GTPBP1: variants seen among roughly 807,000 people sequenced by gnomAD.
GTPBP1 encodes GTP binding protein 1.
Under a neutral mutation model 62.0 loss-of-function variants are expected in GTPBP1, and 23 were observed. That is an observed-to-expected ratio of 0.37 (90% CI 0.27 to 0.53). The LOEUF (loss-of-function observed/expected upper bound fraction) is 0.53. GTPBP1 is among the 20% of genes least tolerant of loss of function. GTPBP1 has a pLI of 0.89. For missense variants in GTPBP1, 640 were observed against 917.3 expected (o/e 0.70, Z 3.90); for synonymous variants, 344 against 364.4 (o/e 0.94, Z 0.64).
intron 2 of GTPBP1, among the ~76,000 whole-genome samples, chr22:38,710,240 T>C (rs1289344178): frequency 6.6e-6 from 1 of 152,242 alleles, no homozygotes; most frequent in Admixed American, 6.5e-5. Context: ...AACTATTTTA[T>C]ACATATCTAT....
At position 38,724,416 on chromosome 22, in the gene GTPBP1, C is replaced by T. The variant is rs763603790; in HGVS notation, c.1073+5C>T. On this transcript the variant is annotated splice_donor_5th_base_variant and intron_variant, in intron 6 of 11. Coordinates refer to ENST00000216044, the MANE Select transcript of GTPBP1 (RefSeq NM_004286.5). The stretch of plus-strand genomic sequence containing the variant: ...CTCCAACTTCAGCTCTGAAAGGTAA[C>T]GCGTGGGGAGCGCACACTTCAGACA... The T allele has an allele frequency of 1.3e-5, 20 of 1,547,710 alleles. No individual in the cohort carries two copies. The highest frequency in any genetic ancestry group is 3.3e-5 in the South Asian group (3 of 89,840).
At chr22:38,715,886 T>A in intron 2 of GTPBP1, 21 bp from the exon 3 acceptor site, 1 of 1,589,220 alleles carries the variant, frequency 6.3e-7, no homozygotes, top group Non-Finnish European at 8.6e-7. Flanking sequence ...CTCCTGCTGA[T>A]GTCTGGGCTC....
In GTPBP1 at chr22:38,716,206, C is replaced by G; in HGVS notation, c.485+119C>G. 1.2e-6 allele frequency: 1 copy of G among 837,884 alleles called. No homozygotes were observed. The highest frequency in any genetic ancestry group is 1.9e-6 in the Non-Finnish European group (1 of 522,390). The allele number at this position is 837,884 out of a possible 1,614,324, so 51.9% of individuals were successfully genotyped here. A position where few individuals can be genotyped will look rare whatever the true frequency, so the allele number is the denominator to read the frequency against. On this transcript the variant is annotated intron_variant, in intron 3 of 11. Transcript: ENST00000216044. This position sits in a 1 kb window ranked among gnomAD's most constrained non-coding sequence, Gnocchi z 5.2. ...CCTCCTGAGGCGGGGAAAGAGTGTC[C>G]AGGTGTCTGGAGACGTGGGCTCCTT...
chr22:38,730,962 G>C lies in GTPBP1; in HGVS notation c.*258G>C, dbSNP rs1603202542. 7 of 505,060 alleles carry C rather than the reference G, an allele frequency of 1.4e-5. No individual in the cohort carries two copies. The highest frequency in any genetic ancestry group is 2.1e-5 in the Non-Finnish European group (6 of 286,350). 31.3% of individuals were successfully genotyped at this position (505,060 alleles called of 1,614,324 possible). A position where few individuals can be genotyped will look rare whatever the true frequency, so the allele number is the denominator to read the frequency against. ...TCACTCACACATTTTTTGTACATCT[G>C]GGCCCTTAGTTTTTATTCTGTTTAT... On this transcript the variant is annotated 3_prime_UTR_variant, in exon 12 of 12. Transcript: ENST00000216044. This position sits in a 1 kb window ranked among gnomAD's most constrained non-coding sequence, Gnocchi z 5.6.
chr22:38,742,158 AAAG>A (rs1188667936), downstream of GTPBP1: 147 of 1,133,090 alleles, frequency 1.3e-4, no homozygotes, highest in African/African-American at 1.7e-3. Context: ...GAAAAAAAAA[AAAG>A]AAAAAAAGAG....
chr22:38,736,174 A>G (rs769901902), downstream of GTPBP1: 6 of 1,221,344 alleles, frequency 4.9e-6, no homozygotes, highest in South Asian at 5.0e-5. Context: ...TTGTGCTCCT[A>G]GAAGTCAGAG....
intron 4 of GTPBP1, among the ~76,000 whole-genome samples, chr22:38,721,351 T>G (rs5995612): frequency 0.1 from 15,176 of 152,216 alleles, 1,148 homozygotes; most frequent in African/African-American, 0.21. Flanking sequence ...GTGCTGGGGT[T>G]ACAGGAGTGA....
At chr22:38,734,402 G>T (rs2092783274), downstream of GTPBP1, 1 of 399,500 alleles carries the variant, frequency 2.5e-6, no homozygotes, top group South Asian at 1.9e-5. Flanking sequence ...TGGTAGGTAA[G>T]TGTAACTTTT....
downstream of GTPBP1, chr22:38,738,444 G>A: frequency 8.2e-7 from 1 of 1,213,236 alleles, no homozygotes. The surrounding 1 kb of genome is among the most constrained non-coding windows in gnomAD (Gnocchi z 6.6). Context: ...GGACTGAAGT[G>A]CTGTCTCCCA....
At chr22:38,742,363 C>CT, downstream of GTPBP1, 1 of 1,613,082 alleles carries the variant, frequency 6.2e-7, no homozygotes, top group Non-Finnish European at 8.5e-7. Context: ...CGGCGGCTCA[C>CT]TAGCCCCTCC....
At position 38,716,607 on chromosome 22, in the gene GTPBP1, C is replaced by T. The variant is rs534166741; in HGVS notation, c.486-45C>T. Reference sequence around the variant, plus strand: ...GTTATGATGGTCGCTCCACCTCACTCATTCACTAACTCTCACATAGATGTA... The same window carrying T: ...GTTATGATGGTCGCTCCACCTCACTTATTCACTAACTCTCACATAGATGTA... On this transcript the variant is annotated intron_variant, in intron 3 of 11. Transcript: ENST00000216044. This position sits in a 1 kb window ranked among gnomAD's most constrained non-coding sequence, Gnocchi z 5.2. 5.0e-6 allele frequency: 7 copies of T among 1,390,638 alleles called. No individual in the cohort carries two copies. Among genetic ancestry groups the T allele is most frequent in the East Asian group, 4.8e-5 (2 of 41,474 alleles). The allele number at this position is 1,390,638 out of a possible 1,614,324, so 86.1% of individuals were successfully genotyped here.
chr22:38,740,699 G>A, downstream of GTPBP1: 1 of 579,076 alleles, frequency 1.7e-6, no homozygotes, highest in Non-Finnish European at 3.1e-6. This position sits in a 1 kb window ranked among gnomAD's most constrained non-coding sequence, Gnocchi z 4.8. Flanking sequence ...TCCTCCACAA[G>A]CATGGACATC....
downstream of GTPBP1, chr22:38,739,135 G>C (rs1484198096): frequency 6.3e-6 from 6 of 949,024 alleles, no homozygotes; most frequent in African/African-American, 4.9e-5. This position sits in a 1 kb window ranked among gnomAD's most constrained non-coding sequence, Gnocchi z 6.7. Context: ...CAGCTTTAAA[G>C]GTCAGCCTCT....
In GTPBP1 at chr22:38,727,884, C is replaced by T; in HGVS notation, c.1538-99C>T. 2 of 791,844 alleles carry T rather than the reference C, an allele frequency of 2.5e-6. No homozygotes were observed. The highest frequency in any genetic ancestry group is 4.2e-6 in the Non-Finnish European group (2 of 471,536). 49.1% of individuals were successfully genotyped at this position (791,844 alleles called of 1,614,324 possible). ...CCCCAGAGATAAGCCCCCACCCTTC[C>T]ACAGCTTAAGCGTATTTCATGCTTT... is the stretch of plus-strand genomic sequence containing the variant. On this transcript the variant is annotated intron_variant, in intron 9 of 11. Transcript: ENST00000216044. The surrounding 1 kb of genome is among the most constrained non-coding windows in gnomAD (Gnocchi z 6.5).
intron 1 of GTPBP1, 131 bp from the exon 2 acceptor site, chr22:38,708,714 G>A (rs2092620735): frequency 1.6e-6 from 1 of 632,312 alleles, no homozygotes; most frequent in Non-Finnish European, 2.9e-6. Flanking sequence ...GGCATGAAGG[G>A]GCTGTGCAGC....
rs1257106180 is a variant in GTPBP1, at chr22:38,730,468, G to A, written c.1918-144G>A. ...GAGGTGCTGCATGCAGAGTGACCCAGTAAATTCCTGGTCAGGCTAGGGTGA... is the reference window on the plus strand; with the variant it reads ...GAGGTGCTGCATGCAGAGTGACCCAATAAATTCCTGGTCAGGCTAGGGTGA... On this transcript the variant is annotated intron_variant, in intron 11 of 11. Coordinates refer to ENST00000216044, the MANE Select transcript of GTPBP1 (RefSeq NM_004286.5). The surrounding 1 kb of genome is among the most constrained non-coding windows in gnomAD (Gnocchi z 5.6). 4.8e-6 allele frequency: 3 copies of A among 628,054 alleles called. No individual in the cohort carries two copies. Among genetic ancestry groups the A allele is most frequent in the South Asian group, 1.8e-5 (1 of 54,646 alleles). 38.9% of individuals were successfully genotyped at this position (628,054 alleles called of 1,614,324 possible). A position where few individuals can be genotyped will look rare whatever the true frequency, so the allele number is the denominator to read the frequency against.
chr22:38,730,807 C>CCGGCTG lies in GTPBP1; in HGVS notation c.*103_*104insCGGCTG. 1 of 639,664 alleles carries CCGGCTG rather than the reference C, an allele frequency of 1.6e-6. No homozygotes were observed. Among genetic ancestry groups the CCGGCTG allele is most frequent in the Non-Finnish European group, 2.6e-6 (1 of 379,590 alleles). The allele number at this position is 639,664 out of a possible 1,614,324, so 39.6% of individuals were successfully genotyped here. On this transcript the variant is annotated 3_prime_UTR_variant, in exon 12 of 12. Transcript: ENST00000216044. The surrounding 1 kb of genome is among the most constrained non-coding windows in gnomAD (Gnocchi z 5.6). ...ATGACCGCCACCCAGCCCTCCCGCT[C>CCGGCTG]AGGCCACAGCCGGAGCCTCCGCATT...
intron 2 of GTPBP1, among the ~76,000 whole-genome samples, chr22:38,710,379 G>T (rs933266014): frequency 1.2e-4 from 19 of 152,194 alleles, no homozygotes; most frequent in African/African-American, 4.6e-4. Context: ...TGGAAATGTT[G>T]TAAGAGTGAC....
chr22:38,742,768 C>T, downstream of GTPBP1: 1 of 594,474 alleles, frequency 1.7e-6, no homozygotes, highest in East Asian at 3.0e-5. Flanking sequence ...GGGTGCCGGC[C>T]ACAGAGGAAG....
Sources: gnomAD v4.1 joint callset for allele counts (sites outside exome capture counted in the v4.1 genomes callset) on GRCh38, gnomAD v4.1.1 for gene constraint, Gnocchi (gnomAD v3.1) non-coding constraint, MANE v1.5 for transcripts, NCBI Gene and HGNC (gene_info 2026-07-23, HGNC 2026-07-21) for gene names.